The following CLRN2 variants were observed in gnomAD, a reference collection of about 807,000 sequenced individuals.
CLRN2 encodes clarin-2.
Under a neutral mutation model 20.1 loss-of-function variants are expected in CLRN2, and 17 were observed. That is an observed-to-expected ratio of 0.85 (90% CI 0.58 to 1.27). The LOEUF (loss-of-function observed/expected upper bound fraction) is 1.27, where lower values mean the gene tolerates loss of function less well. Among genes scored for constraint, CLRN2 ranks in the 50% most tolerant of loss-of-function variants. The pLI, the probability that CLRN2 is intolerant of heterozygous loss-of-function variation, is 0.00. For synonymous variants in CLRN2, 140 were observed against 126.9 expected, an observed-to-expected ratio of 1.10 and a Z score of -0.70; for missense variants, 288 against 299.5, an observed-to-expected ratio of 0.96 and a Z score of 0.28.
chr4:17,516,171 G>A (rs766246069), intron 1 of CLRN2, among the ~76,000 whole-genome samples: 2 of 152,332 alleles, frequency 1.3e-5, no homozygotes, highest in African/African-American at 2.4e-5. Flanking sequence ...GTTTACTGGT[G>A]GGGAGACCTC....
chr4:17,525,058 G>A (rs1266610843), intron 2 of CLRN2, among the ~76,000 whole-genome samples: 1 of 152,196 alleles, frequency 6.6e-6, no homozygotes, highest in East Asian at 1.9e-4. Context: ...AGAAAAAGGT[G>A]AATAGCCTTT....
At chr4:17,520,392 T>C (rs1423655233) in intron 1 of CLRN2, among the ~76,000 whole-genome samples, 3 of 152,208 alleles carry the variant, frequency 2.0e-5, no homozygotes, top group Admixed American at 6.5e-5. Context: ...TCACATACTG[T>C]TTTTTCTCCA....
chr4:17,526,484 C>T (rs1343385527), intron 2 of CLRN2, among the ~76,000 whole-genome samples: 1 of 152,040 alleles, frequency 6.6e-6, no homozygotes, highest in Non-Finnish European at 1.5e-5. Context: ...GGCTTGAACC[C>T]GAGAGGCAGA....
intron 1 of CLRN2, among the ~76,000 whole-genome samples, chr4:17,517,914 T>C (rs765048376): frequency 3.9e-5 from 6 of 152,114 alleles, no homozygotes; most frequent in Admixed American, 2.6e-4. Flanking sequence ...GGGACACTGA[T>C]AGTGCCAGTC....
chr4:17,521,130 G>T (rs756257090), intron 1 of CLRN2, among the ~76,000 whole-genome samples: 1 of 152,152 alleles, frequency 6.6e-6, no homozygotes, highest in Non-Finnish European at 1.5e-5. Flanking sequence ...TGGGATAGAA[G>T]CACAGGGAAG....
In CLRN2 at chr4:17,527,049, G is replaced by C; in HGVS notation, c.666G>C (p.Glu222Asp). The C allele has an allele frequency of 6.2e-7, 1 of 1,613,976 alleles. No homozygotes were observed. Among genetic ancestry groups the C allele is most frequent in the Non-Finnish European group, 8.5e-7 (1 of 1,179,896 alleles). Residue 222 changes from glutamate to aspartate, a missense_variant, in exon 3 of 3, where the codon GAG becomes GAC. By Grantham distance (45) the Glu-to-Asp change is conservative (BLOSUM62 2). Coordinates refer to ENST00000511148, the MANE Select transcript of CLRN2 (RefSeq NM_001079827.2). ...PLPEIKTKIEEATVTAEDILY is the reference protein window; with the variant it reads ...PLPEIKTKIEDATVTAEDILY ...CTGAGATTAAGACCAAAATCGAAGA[G>C]GCCACGGTCACAGCTGAGGATATCT...
intron 2 of CLRN2, among the ~76,000 whole-genome samples, chr4:17,525,726 G>A (rs1711957226): frequency 6.6e-6 from 1 of 151,950 alleles, no homozygotes. Context: ...GTCCAAGTGA[G>A]GGGAAAAAAA....
In CLRN2 at chr4:17,522,846, T is replaced by A. The variant is rs749420279; in HGVS notation, c.254-18T>A. ...CTAACTCTGACATTGAAATAGTGGCTGTGTCTTGTCTCCCCAGTCTTCCCA... is the reference window on the plus strand; with the variant it reads ...CTAACTCTGACATTGAAATAGTGGCAGTGTCTTGTCTCCCCAGTCTTCCCA... On this transcript the variant is annotated intron_variant, in intron 1 of 2. Coordinates refer to ENST00000511148, the MANE Select transcript of CLRN2 (RefSeq NM_001079827.2). The A allele has an allele frequency of 3.9e-5, 62 of 1,608,482 alleles. No homozygotes were observed. Among genetic ancestry groups the A allele is most frequent in the Non-Finnish European group, 5.1e-5 (60 of 1,176,198 alleles).
At chr4:17,519,210 T>C (rs1195081930) in intron 1 of CLRN2, among the ~76,000 whole-genome samples, 1 of 152,098 alleles carries the variant, frequency 6.6e-6, no homozygotes, top group Non-Finnish European at 1.5e-5. Context: ...CATATGCTGA[T>C]AGATGCTGAT....
At chr4:17,523,142 C>A in intron 2 of CLRN2, 99 bp downstream of exon 2, 1 of 1,002,174 alleles carries the variant, frequency 1.0e-6, no homozygotes, top group Non-Finnish European at 1.4e-6. Context: ...AAATGCCCCA[C>A]TGGAGCCTTG....
intron 1 of CLRN2, among the ~76,000 whole-genome samples, chr4:17,519,519 G>A (rs899951790): frequency 6.6e-6 from 1 of 152,040 alleles, no homozygotes; most frequent in African/African-American, 2.4e-5. Context: ...CATGAGAGAG[G>A]GTGTCCATGA....
chr4:17,526,464 G>T (rs1711978006), intron 2 of CLRN2, among the ~76,000 whole-genome samples: 1 of 152,172 alleles, frequency 6.6e-6, no homozygotes, highest in Admixed American at 6.5e-5. Flanking sequence ...GGAGGCTGAG[G>T]CAGGAGAATG....
chr4:17,518,389 T>C lies in CLRN2; in HGVS notation c.253+2870T>C, dbSNP rs547045416. On this transcript the variant is annotated intron_variant, in intron 1 of 2. Coordinates refer to ENST00000511148, the MANE Select transcript of CLRN2 (RefSeq NM_001079827.2). The stretch of plus-strand genomic sequence containing the variant: ...ACTTTAGCATTGTCCACACATTCAA[T>C]TGTACTATGGAGTATTTACAGACCA... Among the ~76,000 whole-genome samples the C allele has an allele frequency of 3.9e-5, 6 of 152,308 alleles. No homozygotes were observed. The South Asian group carries it at 1.2e-3, about 32-fold the overall frequency.
chr4:17,517,490 C>CCAGA lies in CLRN2; in HGVS notation c.253+1973_253+1976dup, dbSNP rs1437636415. Among the ~76,000 whole-genome samples the CCAGA allele has an allele frequency of 2.6e-5, 4 of 152,300 alleles. No homozygotes were observed. The East Asian group carries it at 7.7e-4, about 29-fold the overall frequency. On this transcript the variant is annotated intron_variant, in intron 1 of 2. Transcript: ENST00000511148. ...TCACATGCCAGCATTAACCTAATGA[C>CCAGA]CAGACCCCTGCCATTCCCAGCTCAC...
chr4:17,515,461 C>G lies in CLRN2; in HGVS notation c.195C>G (p.Leu65=), dbSNP rs777503649. The G allele has an allele frequency of 1.2e-6, 2 of 1,613,976 alleles. No individual in the cohort carries two copies. Residue 65 remains leucine (L), a synonymous_variant, in exon 1 of 3, where the codon CTC becomes CTG. Transcript: ENST00000511148. ...VKFIGDIYYG[L]FRGCKVRQCG... is the part of the protein sequence containing the mutation. ...TCATTGGGGACATTTACTACGGGCT[C>G]TTCCGAGGGTGTAAAGTGCGGCAGT...
At chr4:17,523,700 A>G (rs1711892522) in intron 2 of CLRN2, among the ~76,000 whole-genome samples, 1 of 150,802 alleles carries the variant, frequency 6.6e-6, no homozygotes, top group African/African-American at 2.4e-5. Flanking sequence ...CACAAATGAC[A>G]GAAGAGAAGG....
intron 1 of CLRN2, among the ~76,000 whole-genome samples, chr4:17,520,862 G>A (rs574686925): frequency 6.6e-6 from 1 of 152,146 alleles, no homozygotes; most frequent in South Asian, 2.1e-4. Flanking sequence ...TGCTAAAAAT[G>A]CAAAAATTAG....
chr4:17,525,536 G>GCTACT (rs1360131522), intron 2 of CLRN2, among the ~76,000 whole-genome samples: 1 of 152,086 alleles, frequency 6.6e-6, no homozygotes, highest in East Asian at 1.9e-4. Context: ...CATGATCCCA[G>GCTACT]CTACTCAGGA....
chr4:17,527,026 G>C lies in CLRN2; in HGVS notation c.643G>C (p.Glu215Gln). ...VVAISQIPLP[E>Q]IKTKIEEATV... ...GGCGATCAGTCAAATTCCCCTCCCT[G>C]AGATTAAGACCAAAATCGAAGAGGC... The change falls in exon 3 of 3, where the codon GAG (glutamate) becomes CAG (glutamine). Residue 215 changes from glutamate to glutamine, a missense_variant. Glu to Gln is a conservative substitution (Grantham distance 29, BLOSUM62 2). Transcript: ENST00000511148. 1 of 1,613,996 alleles carries C rather than the reference G, an allele frequency of 6.2e-7. No homozygotes were observed. Among genetic ancestry groups the C allele is most frequent in the Admixed American group, 1.7e-5 (1 of 60,012 alleles).
Sources: allele counts gnomAD v4.1 joint callset (sites outside exome capture counted in the v4.1 genomes callset), GRCh38; gene constraint gnomAD v4.1.1; transcripts MANE v1.5; gene names NCBI Gene and HGNC (gene_info 2026-07-23, HGNC 2026-07-21).